Variants in NHEJ1 observed in about 807,000 individuals in gnomAD.
NHEJ1 encodes the protein non-homologous end joining factor 1, also known as non-homologous end-joining factor 1.
A neutral mutation model predicts 39.4 loss-of-function variants in NHEJ1; 22 were observed. The observed-to-expected ratio is 0.56, with a 90% CI of 0.40 to 0.80. NHEJ1 has a LOEUF of 0.80. NHEJ1 is among the 30% of genes least tolerant of loss of function. NHEJ1 has a pLI of 0.00. For missense variants in NHEJ1, 329 were observed against 357.1 expected (o/e 0.92, Z 0.63); for synonymous variants, 154 against 135.6 (o/e 1.14, Z -0.94).
intron 6 of NHEJ1, 95 bp from the exon 7 acceptor site, chr2:219,077,459 G>T: frequency 2.0e-6 from 2 of 984,584 alleles, no homozygotes; most frequent in Non-Finnish European, 3.3e-6. Flanking sequence ...AAAGGCCAGG[G>T]TTTGGTACAA....
intron 5 of NHEJ1, among the ~76,000 whole-genome samples, chr2:219,083,286 T>C (rs1275105955): frequency 6.6e-6 from 1 of 152,106 alleles, no homozygotes; most frequent in Non-Finnish European, 1.5e-5. Flanking sequence ...AAATCAAAGA[T>C]AACCTGAAAT....
intron 5 of NHEJ1, among the ~76,000 whole-genome samples, chr2:219,084,117 C>T (rs1261242843): frequency 6.6e-6 from 1 of 151,796 alleles, no homozygotes; most frequent in Non-Finnish European, 1.5e-5. Flanking sequence ...AGCGATTCTC[C>T]TGCCTCAGCC....
At position 219,111,652 on chromosome 2, in the gene NHEJ1, CACACACACACAG is replaced by C. The variant is rs1035213018; in HGVS notation, c.589-33458_589-33447del. Among the ~76,000 whole-genome samples, 33 of 151,614 alleles carry C rather than the reference CACACACACACAG, an allele frequency of 2.2e-4. No homozygotes were observed. Among genetic ancestry groups the C allele is most frequent in the South Asian group, 1.9e-3 (9 of 4,782 alleles). On this transcript the variant is annotated intron_variant, in intron 5 of 7. Transcript: ENST00000356853. The surrounding 1 kb of genome is among the most constrained non-coding windows in gnomAD (Gnocchi z 4.1). ...AGACACACACACACACACACACACA[CACACACACACAG>C]AGAGATACATACAGTCAGTGGGAAA...
intron 5 of NHEJ1, among the ~76,000 whole-genome samples, chr2:219,116,441 T>C (rs1949417430): frequency 1.3e-5 from 2 of 152,080 alleles, no homozygotes; most frequent in African/African-American, 4.8e-5. Context: ...ACAGCAGCCT[T>C]GACCTCCCAG....
rs1308552720 is a variant in NHEJ1 at position 219,103,154 on chromosome 2, T to TA, written c.589-24949dup. Among the ~76,000 whole-genome samples, 662 of 139,552 alleles carry TA rather than the reference T, an allele frequency of 4.7e-3. 6 individuals carry two copies. The highest frequency in any genetic ancestry group is 0.011 in the African/African-American group (429 of 37,400). 91.6% of individuals were successfully genotyped at this position (139,552 alleles called of 152,430 possible). ...TGAGATCACACCATTGCACTCTTTA[T>TA]AAAAAAAAGCAAAAACGGGAAAAAA... On this transcript the variant is annotated intron_variant, in intron 5 of 7. Transcript: ENST00000356853.
intron 5 of NHEJ1, among the ~76,000 whole-genome samples, chr2:219,093,045 T>C (rs1236222809): frequency 6.6e-6 from 1 of 152,206 alleles, no homozygotes; most frequent in Admixed American, 6.5e-5. Context: ...TGAAACATGT[T>C]TGTAATAGAC....
chr2:219,122,579 A>G (rs565019317), intron 5 of NHEJ1, among the ~76,000 whole-genome samples: 262 of 152,314 alleles, frequency 1.7e-3, no homozygotes, highest in Non-Finnish European at 3.1e-3. Context: ...AACTCCACTA[A>G]GTTGTCAGAC....
At chr2:219,142,202 G>A (rs561071330) in intron 5 of NHEJ1, among the ~76,000 whole-genome samples, 4 of 136,504 alleles carry the variant, frequency 2.9e-5, no homozygotes, top group Admixed American at 1.5e-4. Context: ...CAGTAAGAAC[G>A]ACTGCAGGGA....
At chr2:219,097,137 G>A (rs191548419) in intron 5 of NHEJ1, among the ~76,000 whole-genome samples, 20 of 152,286 alleles carry the variant, frequency 1.3e-4, no homozygotes, top group Non-Finnish European at 2.2e-4. Flanking sequence ...AGTGTTCTGA[G>A]CATGCTTAAG....
intron 3 of NHEJ1, among the ~76,000 whole-genome samples, chr2:219,155,698 G>A (rs139753928): frequency 5.9e-5 from 9 of 151,954 alleles, no homozygotes; most frequent in Non-Finnish European, 1.3e-4. Flanking sequence ...CGAGGTGAGC[G>A]GATCACGAGG....
At chr2:219,148,349 T>G (rs1949762345) in intron 3 of NHEJ1, among the ~76,000 whole-genome samples, 1 of 152,020 alleles carries the variant, frequency 6.6e-6, no homozygotes, top group Non-Finnish European at 1.5e-5. Flanking sequence ...GCCCAGGAGT[T>G]CAAGAGCAGC....
intron 6 of NHEJ1, 50 bp from the exon 7 acceptor site, chr2:219,077,414 C>T: frequency 7.4e-7 from 1 of 1,343,932 alleles, no homozygotes. Context: ...CTTCTTCTTA[C>T]CAGGAAGATA....
chr2:219,138,724 T>A (rs750620892), intron 5 of NHEJ1, among the ~76,000 whole-genome samples: 8 of 151,920 alleles, frequency 5.3e-5, no homozygotes, highest in Non-Finnish European at 1.0e-4. Flanking sequence ...ATAGAAAAAA[T>A]AAAAAGTAGA....
intron 1 of NHEJ1, among the ~76,000 whole-genome samples, chr2:219,159,584 TATGC>T (rs1949906011): frequency 2.6e-5 from 3 of 116,534 alleles, no homozygotes; most frequent in African/African-American, 4.7e-5. Context: ...TGCATATATA[TATGC>T]ATATATATAT....
intron 5 of NHEJ1, among the ~76,000 whole-genome samples, chr2:219,102,063 G>A (rs1275681153): frequency 3.3e-5 from 5 of 152,144 alleles, no homozygotes. Context: ...ATATTATATG[G>A]ATAAGCCGTA....
chr2:219,155,509 T>A (rs1949845328), intron 3 of NHEJ1, among the ~76,000 whole-genome samples: 1 of 152,138 alleles, frequency 6.6e-6, no homozygotes, highest in Admixed American at 6.5e-5. Context: ...CACAAGAAAT[T>A]AATTTAAAAT....
chr2:219,095,356 C>T (rs1559189499), intron 5 of NHEJ1: 1 of 470,810 alleles, frequency 2.1e-6, no homozygotes, highest in Admixed American at 2.4e-5. Flanking sequence ...TATCTTTTAA[C>T]TGAGAGATGA....
chr2:219,147,175 G>A (rs746189302), intron 4 of NHEJ1, among the ~76,000 whole-genome samples: 20 of 152,264 alleles, frequency 1.3e-4, no homozygotes, highest in Non-Finnish European at 1.5e-4. Flanking sequence ...CCAGGTACTC[G>A]AGGCAGAGAA....
rs541002296 is a variant in NHEJ1, at chr2:219,075,967, A to G, written c.*414T>C. On this transcript the variant is annotated 3_prime_UTR_variant, in exon 8 of 8. Transcript: ENST00000356853. ...GTTCCACAGCATAAGTAATCCCAAAAGCAGGGACTGTGAGTGCTTTTTATT... is the reference window on the plus strand; with the variant it reads ...GTTCCACAGCATAAGTAATCCCAAAGGCAGGGACTGTGAGTGCTTTTTATT... 4 of 266,374 alleles carry G rather than the reference A, an allele frequency of 1.5e-5. No homozygotes were observed. The highest frequency in any genetic ancestry group is 2.9e-5 in the Non-Finnish European group (4 of 140,196). The allele number at this position is 266,374 out of a possible 1,614,324, so 16.5% of individuals were successfully genotyped here. A position where few individuals can be genotyped will look rare whatever the true frequency, so the allele number is the denominator to read the frequency against.
Sources: gnomAD v4.1 joint callset for allele counts (sites outside exome capture counted in the v4.1 genomes callset) on GRCh38, gnomAD v4.1.1 for gene constraint, Gnocchi (gnomAD v3.1) non-coding constraint, MANE v1.5 for transcripts, NCBI Gene and HGNC (gene_info 2026-07-23, HGNC 2026-07-21) for gene names.